VPS13A: variants seen among roughly 807,000 people sequenced by gnomAD.
The protein encoded by VPS13A is intermembrane lipid transfer protein VPS13A.
Under a neutral mutation model 390.9 loss-of-function variants are expected in VPS13A, and 264 were observed. The ratio of observed to expected loss-of-function variants is 0.68; its 90% confidence interval spans 0.61 to 0.75. The LOEUF is 0.75. Ranked by LOEUF, VPS13A falls within the 30% of genes least tolerant of loss-of-function variation. VPS13A has a pLI of 0.00. For missense variants in VPS13A, 3,409 were observed against 3,733.9 expected (o/e 0.91, Z 2.27); for synonymous variants, 1,231 against 1,227.1 (o/e 1.00, Z -0.07).
At chr9:77,316,916 A>G (rs975455046) in intron 39 of VPS13A, among the ~76,000 whole-genome samples, 1 of 152,012 alleles carries the variant, frequency 6.6e-6, no homozygotes, top group African/African-American at 2.4e-5. Context: ...CCTCCTCTTC[A>G]TAACTCTACT....
In VPS13A at chr9:77,319,678, A is replaced by G. The variant is rs1306191159; in HGVS notation, c.5415+5A>G. 1 of 1,474,764 alleles carries G rather than the reference A, an allele frequency of 6.8e-7. No homozygotes were observed. Among genetic ancestry groups the G allele is most frequent in the Admixed American group, 1.7e-5 (1 of 59,398 alleles). The allele number at this position is 1,474,764 out of a possible 1,614,324, so 91.4% of individuals were successfully genotyped here. A position where few individuals can be genotyped will look rare whatever the true frequency, so the allele number is the denominator to read the frequency against. ...CCATGGAATCTTGGTATCAAGGTAT[A>G]TCTATATATGTCTATGTGTGTATAT... On this transcript the variant is annotated splice_donor_5th_base_variant and intron_variant, in intron 42 of 71. Coordinates refer to ENST00000360280, the MANE Select transcript of VPS13A (RefSeq NM_033305.3).
intron 17 of VPS13A, among the ~76,000 whole-genome samples, chr9:77,229,827 T>C (rs1014086908): frequency 6.6e-6 from 1 of 152,172 alleles, no homozygotes; most frequent in African/African-American, 2.4e-5. Context: ...CTATTTAACC[T>C]TTTGAGGAAC....
Position 77,337,246 on chromosome 9 carries a change from C to T in VPS13A, c.6096-9C>T, listed in dbSNP as rs762922309. ...AACATTTTAAACTGTATCATTTAAT[C>T]TCATGCAGATCATTCATTTTTCTGA... On this transcript the variant is annotated splice_polypyrimidine_tract_variant and intron_variant, in intron 46 of 71. Transcript: ENST00000360280. 7 of 1,608,792 alleles carry T rather than the reference C, an allele frequency of 4.4e-6. No individual in the cohort carries two copies. The highest frequency in any genetic ancestry group is 5.9e-6 in the Non-Finnish European group (7 of 1,178,602).
chr9:77,414,450 G>A (rs1835078378), intron 71 of VPS13A, among the ~76,000 whole-genome samples: 1 of 152,094 alleles, frequency 6.6e-6, no homozygotes. Flanking sequence ...GGACATGGAT[G>A]AAGCTGGAAA....
rs566020713 is a variant in VPS13A at position 77,251,052 on chromosome 9, A to G, written c.2170+823A>G. Among the ~76,000 whole-genome samples, 25 of 152,372 alleles carry G rather than the reference A, an allele frequency of 1.6e-4. No homozygotes were observed. In the South Asian group the frequency reaches 4.4e-3, roughly 27 times the overall value. On this transcript the variant is annotated intron_variant, in intron 21 of 71. Transcript: ENST00000360280. Reference sequence around the variant, plus strand: ...ATAAAAGGAGAAACAATGAGAATCCAAAGTAGTTGTTATCAAAATTGTTAA... The same window carrying G: ...ATAAAAGGAGAAACAATGAGAATCCGAAGTAGTTGTTATCAAAATTGTTAA...
intron 24 of VPS13A, among the ~76,000 whole-genome samples, chr9:77,274,048 A>C (rs1392228385): frequency 6.6e-6 from 1 of 152,180 alleles, no homozygotes; most frequent in Non-Finnish European, 1.5e-5. Flanking sequence ...TATTTTCAGG[A>C]AATTTTAACT....
intron 45 of VPS13A, among the ~76,000 whole-genome samples, chr9:77,329,483 T>C (rs1240071424): frequency 6.6e-6 from 1 of 152,172 alleles, no homozygotes; most frequent in Non-Finnish European, 1.5e-5. Context: ...CTAATTTCAG[T>C]ATTGTTGTGT....
chr9:77,232,464 T>G (rs529238636), intron 17 of VPS13A, among the ~76,000 whole-genome samples: 1 of 152,286 alleles, frequency 6.6e-6, no homozygotes, highest in Admixed American at 6.5e-5. Flanking sequence ...TCAGAAGGAT[T>G]GTTATTAATC....
chr9:77,404,990 C>CT (rs796595000), intron 69 of VPS13A, among the ~76,000 whole-genome samples: 6,815 of 146,742 alleles, frequency 0.046, 269 homozygotes, highest in African/African-American at 0.11. Flanking sequence ...GGAGTCAGAC[C>CT]TTTTTTTTTT....
intron 23 of VPS13A, among the ~76,000 whole-genome samples, chr9:77,262,559 T>G (rs1037890745): frequency 3.3e-5 from 5 of 152,132 alleles, no homozygotes; most frequent in Non-Finnish European, 7.4e-5. Flanking sequence ...CATTAGGTAT[T>G]TCTCCTAAAG....
At chr9:77,397,352 A>G (rs1834156987) in intron 68 of VPS13A, among the ~76,000 whole-genome samples, 1 of 152,000 alleles carries the variant, frequency 6.6e-6, no homozygotes, top group African/African-American at 2.4e-5. Context: ...CCTCTTTGCA[A>G]CACTTGTCTT....
chr9:77,294,900 C>A (rs1245785052), intron 32 of VPS13A, among the ~76,000 whole-genome samples: 1 of 151,890 alleles, frequency 6.6e-6, no homozygotes, highest in East Asian at 1.9e-4. Context: ...AAGACACGAT[C>A]TCGCTGTATT....
intron 71 of VPS13A, among the ~76,000 whole-genome samples, chr9:77,408,957 C>CAGCACACAG (rs1484343717): frequency 6.6e-6 from 1 of 152,190 alleles, no homozygotes; most frequent in Non-Finnish European, 1.5e-5. Flanking sequence ...GTGGTTCTCC[C>CAGCACACAG]AGCACACAGC....
intron 2 of VPS13A, 65 bp downstream of exon 2, chr9:77,200,053 T>C: frequency 7.4e-7 from 1 of 1,348,492 alleles, no homozygotes; most frequent in Non-Finnish European, 1.0e-6. Context: ...TCTTCCTGAT[T>C]CAGTTTGTCA....
chr9:77,317,595 TTCTC>T lies in VPS13A; in HGVS notation c.4864-8_4864-5del. The stretch of plus-strand genomic sequence containing the variant: ...AACATTAATTTAGTGGTATTGATTT[TTCTC>T]TCATAGGTTTTGCAGCCCTGTGACT... On this transcript the variant is annotated splice_polypyrimidine_tract_variant and splice_region_variant and intron_variant, in intron 39 of 71. Coordinates refer to ENST00000360280, the MANE Select transcript of VPS13A (RefSeq NM_033305.3). 2 of 1,588,768 alleles carry T rather than the reference TTCTC, an allele frequency of 1.3e-6. No homozygotes were observed. Among genetic ancestry groups the T allele is most frequent in the Non-Finnish European group, 1.7e-6 (2 of 1,164,884 alleles).
rs3841736 is a variant in VPS13A, at chr9:77,370,737, T to TA, written c.8908-149dup. On this transcript the variant is annotated intron_variant, in intron 65 of 71. Transcript: ENST00000360280. ...GCATATAAAACATGTCAGTAGCCTCTAAAACATTCTGTTTAAATAAAATAC... is the reference window on the plus strand; with the variant it reads ...GCATATAAAACATGTCAGTAGCCTCTAAAAACATTCTGTTTAAATAAAATAC... 442,778 of 790,218 alleles carry TA rather than the reference T, an allele frequency of 0.56. 127,940 individuals are homozygous for TA. The highest frequency in any genetic ancestry group is 0.81 in the African/African-American group (43,367 of 53,212). 49.0% of individuals were successfully genotyped at this position (790,218 alleles called of 1,614,324 possible). A position where few individuals can be genotyped will look rare whatever the true frequency, so the allele number is the denominator to read the frequency against.
At chr9:77,399,908 T>C (rs1834295577) in intron 68 of VPS13A, among the ~76,000 whole-genome samples, 2 of 152,162 alleles carry the variant, frequency 1.3e-5, no homozygotes, top group Admixed American at 6.5e-5. Context: ...TTCTATACAT[T>C]CTCTTGTAAT....
At position 77,213,257 on chromosome 9, in the gene VPS13A, T is replaced by G. The variant is rs556470398; in HGVS notation, c.639T>G (p.Phe213Leu). ...VRKLIRLDNL[F>L]AYWNVKSQMF... is the part of the protein sequence containing the mutation. ...AGTTAATCCGATTGGATAACCTGTT[T>G]GCCTATTGGAATGTGAAGTCTCAGA... The change falls in exon 9 of 72, where the codon TTT (phenylalanine) becomes TTG (leucine). Residue 213 changes from phenylalanine to leucine, a missense_variant. Phe to Leu is a conservative substitution (Grantham distance 22, BLOSUM62 0). Transcript: ENST00000360280. 1 of 1,613,784 alleles carries G rather than the reference T, an allele frequency of 6.2e-7. No individual in the cohort carries two copies. The highest frequency in any genetic ancestry group is 1.3e-5 in the African/African-American group (1 of 75,058).
chr9:77,349,422 C>G (rs762306853), intron 52 of VPS13A, among the ~76,000 whole-genome samples: 2 of 151,932 alleles, frequency 1.3e-5, no homozygotes, highest in Non-Finnish European at 2.9e-5. Context: ...AGCATGATAC[C>G]CAATAGGTAG....
Sources: allele counts gnomAD v4.1 joint callset (sites outside exome capture counted in the v4.1 genomes callset), GRCh38; gene constraint gnomAD v4.1.1; transcripts MANE v1.5; gene names NCBI Gene and HGNC (gene_info 2026-07-23, HGNC 2026-07-21).